The following KCNJ6 variants were observed in gnomAD, a reference collection of about 807,000 sequenced individuals.
KCNJ6 encodes potassium inwardly rectifying channel subfamily J member 6, also known as G protein-activated inward rectifier potassium channel 2.
Under a neutral mutation model 34.2 loss-of-function variants are expected in KCNJ6, and 9 were observed. That is an observed-to-expected ratio of 0.26 (90% CI 0.16 to 0.46). The LOEUF is 0.46. Among genes scored for constraint, KCNJ6 ranks in the 20% least tolerant of loss-of-function variants. The probability of loss-of-function intolerance (pLI) is 1.00; values close to 1 mark genes in which losing one functional copy is unlikely to be tolerated. For synonymous variants in KCNJ6, 196 were observed against 207.1 expected, an observed-to-expected ratio of 0.95 and a Z score of 0.46; for missense variants, 236 against 531.3, an observed-to-expected ratio of 0.44 and a Z score of 5.46.
intron 3 of KCNJ6, among the ~76,000 whole-genome samples, chr21:37,660,268 C>T (rs1031462533): frequency 1.3e-5 from 2 of 152,182 alleles, no homozygotes; most frequent in African/African-American, 4.8e-5. Flanking sequence ...CATGTTTTAC[C>T]AGGATTCCTG....
intron 3 of KCNJ6, among the ~76,000 whole-genome samples, chr21:37,667,388 T>G (rs929623860): frequency 6.6e-6 from 1 of 152,120 alleles, no homozygotes; most frequent in African/African-American, 2.4e-5. Context: ...CCATCCTGTC[T>G]GGACCAGGGG....
chr21:37,747,588 GA>G (rs2054973749), intron 2 of KCNJ6, among the ~76,000 whole-genome samples: 1 of 152,200 alleles, frequency 6.6e-6, no homozygotes, highest in East Asian at 1.9e-4. Flanking sequence ...GATTATCCGG[GA>G]AGCCCAGTGT....
chr21:37,684,208 G>T (rs2123421157), intron 3 of KCNJ6, among the ~76,000 whole-genome samples: 1 of 152,290 alleles, frequency 6.6e-6, no homozygotes, highest in Middle Eastern at 3.4e-3. Flanking sequence ...AGGCTGTGAA[G>T]GGAGGTCTGG....
intron 2 of KCNJ6, among the ~76,000 whole-genome samples, chr21:37,723,378 G>T (rs1045338418): frequency 3.0e-4 from 46 of 152,136 alleles, no homozygotes; most frequent in African/African-American, 1.1e-3. Context: ...ATTTCTCAAA[G>T]AACTCAGAGC....
At chr21:37,655,370 G>T (rs1299951046) in intron 3 of KCNJ6, among the ~76,000 whole-genome samples, 1 of 152,114 alleles carries the variant, frequency 6.6e-6, no homozygotes. Context: ...ATTACTTTTG[G>T]AGTAATTGTA....
intron 1 of KCNJ6, among the ~76,000 whole-genome samples, chr21:37,869,834 G>C (rs565732247): frequency 7.4e-4 from 113 of 152,388 alleles, no homozygotes; most frequent in African/African-American, 2.6e-3. Flanking sequence ...CCAGATGGCA[G>C]TGGTCCCTTT....
At chr21:37,715,963 G>A (rs187592179) in intron 2 of KCNJ6, among the ~76,000 whole-genome samples, 1 of 152,304 alleles carries the variant, frequency 6.6e-6, no homozygotes, top group Non-Finnish European at 1.5e-5. Context: ...CCAAATTCGT[G>A]AGCCTCAGTT....
At chr21:37,831,390 C>T (rs2055425186) in intron 2 of KCNJ6, among the ~76,000 whole-genome samples, 1 of 152,182 alleles carries the variant, frequency 6.6e-6, no homozygotes, top group African/African-American at 2.4e-5. Flanking sequence ...GAAGTTTCTG[C>T]TGCTGCTCCC....
intron 2 of KCNJ6, among the ~76,000 whole-genome samples, chr21:37,742,964 T>C (rs1010264194): frequency 1.3e-5 from 2 of 152,192 alleles, no homozygotes; most frequent in Admixed American, 6.5e-5. Flanking sequence ...GTTGCCTCTG[T>C]TGTCTCCCAG....
chr21:37,674,281 T>C lies in KCNJ6; in HGVS notation c.946+39930A>G, dbSNP rs575099074. Among the ~76,000 whole-genome samples, 623 of 152,308 alleles carry C rather than the reference T, an allele frequency of 4.1e-3. 5 individuals are homozygous for C. The highest frequency in any genetic ancestry group is 0.015 in the Admixed American group (222 of 15,300). ...GCCTGGGACTTACCCACATTTAGCA[T>C]TGAATGTCCCACATCCCGGAAATCC... On this transcript the variant is annotated intron_variant, in intron 3 of 3. Coordinates refer to ENST00000609713, the MANE Select transcript of KCNJ6 (RefSeq NM_002240.5).
At chr21:37,882,674 G>A (rs551036942) in intron 1 of KCNJ6, among the ~76,000 whole-genome samples, 1 of 152,324 alleles carries the variant, frequency 6.6e-6, no homozygotes, top group East Asian at 1.9e-4. Context: ...GTGGTGGGAG[G>A]CAGGCAGGGA....
rs1013338834 is a variant in KCNJ6 at position 37,851,649 on chromosome 21, T to A, written c.-27-10940A>T. On this transcript the variant is annotated intron_variant, in intron 1 of 3. Coordinates refer to ENST00000609713, the MANE Select transcript of KCNJ6 (RefSeq NM_002240.5). ...CTGAGAAGGAAAATGAGGAACACCG[T>A]CCTAATCTCTGTTGTTCTTTTATCT... 2.0e-5 allele frequency among the ~76,000 whole-genome samples: 3 copies of A among 152,188 alleles called. No individual in the cohort carries two copies. In the East Asian group the frequency reaches 5.8e-4, roughly 29 times the overall value.
chr21:37,906,523 G>C (rs898850164), intron 1 of KCNJ6, among the ~76,000 whole-genome samples: 5 of 152,250 alleles, frequency 3.3e-5, no homozygotes, highest in Admixed American at 6.5e-5. Context: ...CCTGTCCTCA[G>C]GGTTCCTGAT....
chr21:37,614,536 CTG>C lies in KCNJ6; in HGVS notation c.*10621_*10622del, dbSNP rs754462320. On this transcript the variant is annotated 3_prime_UTR_variant, in exon 4 of 4. Coordinates refer to ENST00000609713, the MANE Select transcript of KCNJ6 (RefSeq NM_002240.5). Reference sequence around the variant, plus strand: ...TGTATGCATGTGTGTATGCATGTCTCTGTGTATGCGTGTGTGTGTATGCGTGT... The same window carrying C: ...TGTATGCATGTGTGTATGCATGTCTCTGTATGCGTGTGTGTGTATGCGTGT... The C allele has an allele frequency of 0.014, 993 of 72,334 alleles. 7 individuals carry two copies. The highest frequency in any genetic ancestry group is 0.051 in the Middle Eastern group (5 of 98). 4.5% of individuals were successfully genotyped at this position (72,334 alleles called of 1,614,324 possible).
intron 2 of KCNJ6, among the ~76,000 whole-genome samples, chr21:37,814,171 A>G (rs1645141052): frequency 6.6e-6 from 1 of 152,248 alleles, no homozygotes; most frequent in Non-Finnish European, 1.5e-5. Flanking sequence ...AACATCATTG[A>G]TCATCAAATA....
At position 37,693,925 on chromosome 21, in the gene KCNJ6, ATT is replaced by A. The variant is rs10708287; in HGVS notation, c.946+20284_946+20285del. Among the ~76,000 whole-genome samples the A allele has an allele frequency of 9.8e-4, 126 of 128,608 alleles. No individual in the cohort carries two copies. In the South Asian group the frequency reaches 0.011, roughly 11 times the overall value. The allele number at this position is 128,608 out of a possible 152,430, so 84.4% of individuals were successfully genotyped here. On this transcript the variant is annotated intron_variant, in intron 3 of 3. Coordinates refer to ENST00000609713, the MANE Select transcript of KCNJ6 (RefSeq NM_002240.5). Reference sequence around the variant, plus strand: ...CACTATCTTCATTCAATTATTTACCATTTTTTTTTTAAAAAAAACAAACATTG... The same window carrying A: ...CACTATCTTCATTCAATTATTTACCATTTTTTTTAAAAAAAACAAACATTG...
intron 2 of KCNJ6, among the ~76,000 whole-genome samples, chr21:37,737,715 T>C (rs2054920310): frequency 6.6e-6 from 1 of 152,232 alleles, no homozygotes; most frequent in Admixed American, 6.5e-5. Context: ...TCCCTGCTGA[T>C]TCTCTGCTCA....
In KCNJ6 at chr21:37,855,659, G is replaced by A. The variant is rs183226703; in HGVS notation, c.-27-14950C>T. Among the ~76,000 whole-genome samples, 115 of 152,238 alleles carry A rather than the reference G, an allele frequency of 7.6e-4. 1 individual carries two copies. The highest frequency in any genetic ancestry group is 1.4e-3 in the Non-Finnish European group (95 of 68,018). On this transcript the variant is annotated intron_variant, in intron 1 of 3. Coordinates refer to ENST00000609713, the MANE Select transcript of KCNJ6 (RefSeq NM_002240.5). Reference sequence around the variant, plus strand: ...TCAAGAATGACTGCATCTGCTGGGGGCCCCTCTCTCCCCCGGGGACCAGTC... The same window carrying A: ...TCAAGAATGACTGCATCTGCTGGGGACCCCTCTCTCCCCCGGGGACCAGTC...
intron 2 of KCNJ6, among the ~76,000 whole-genome samples, chr21:37,753,523 C>T (rs1009032513): frequency 2.0e-5 from 3 of 149,954 alleles, no homozygotes; most frequent in Non-Finnish European, 4.5e-5. Context: ...TCTAGAGAGC[C>T]GGACAGCAGG....
Sources: gnomAD v4.1 joint callset for allele counts (sites outside exome capture counted in the v4.1 genomes callset) on GRCh38, gnomAD v4.1.1 for gene constraint, MANE v1.5 for transcripts, NCBI Gene and HGNC (gene_info 2026-07-23, HGNC 2026-07-21) for gene names.